DPYD: variants seen among roughly 807,000 people sequenced by gnomAD.
DPYD encodes dihydropyrimidine dehydrogenase.
DPYD carries 109 observed loss-of-function variants against 116.2 expected under a neutral mutation model. The observed-to-expected ratio is 0.94, with a 90% CI of 0.80 to 1.10. The LOEUF (loss-of-function observed/expected upper bound fraction) is 1.10, where lower values mean the gene tolerates loss of function less well. DPYD is among the 50% of genes least tolerant of loss of function. The pLI is 0.00. For missense variants in DPYD, 1,302 were observed against 1,254.5 expected (o/e 1.04, Z -0.57); for synonymous variants, 440 against 432.0 (o/e 1.02, Z -0.23).
rs185140988 is a variant in DPYD at position 97,888,469 on chromosome 1, C to T, written c.40-5095G>A. ...AAGTTACACTGGCTTAAAATTTGCC[C>T]GATTTATTTTTTTTTTAATAAAGTA... On this transcript the variant is annotated intron_variant, in intron 1 of 22. Transcript: ENST00000370192. Among the ~76,000 whole-genome samples the T allele has an allele frequency of 2.2e-4, 33 of 150,754 alleles. No individual in the cohort carries two copies. In the East Asian group the frequency reaches 4.8e-3, roughly 22 times the overall value.
chr1:97,389,763 T>G (rs575726556), intron 14 of DPYD, among the ~76,000 whole-genome samples: 29 of 151,788 alleles, frequency 1.9e-4, no homozygotes, highest in Non-Finnish European at 4.0e-4. Context: ...TTGAAGCATA[T>G]AAAATGCAAA....
chr1:97,776,378 A>C (rs1320408744), intron 3 of DPYD, among the ~76,000 whole-genome samples: 1 of 152,180 alleles, frequency 6.6e-6, no homozygotes, highest in Non-Finnish European at 1.5e-5. Flanking sequence ...AGGTGTGTCC[A>C]TATCTCTGAA....
At chr1:97,487,987 C>T (rs989275485) in intron 13 of DPYD, among the ~76,000 whole-genome samples, 1 of 152,026 alleles carries the variant, frequency 6.6e-6, no homozygotes, top group East Asian at 1.9e-4. Flanking sequence ...TTCATAGCAA[C>T]TTTATTTGTA....
At chr1:97,581,665 G>C (rs577053079) in intron 10 of DPYD, among the ~76,000 whole-genome samples, 1 of 147,784 alleles carries the variant, frequency 6.8e-6, no homozygotes, top group East Asian at 2.0e-4. Flanking sequence ...AGGATCTGTA[G>C]AGCCCAGATG....
chr1:97,667,865 A>G (rs1436423955), intron 8 of DPYD, among the ~76,000 whole-genome samples: 1 of 152,148 alleles, frequency 6.6e-6, no homozygotes, highest in African/African-American at 2.4e-5. Flanking sequence ...TACATAAAAA[A>G]TTATTCAGTC....
chr1:97,880,738 C>A (rs989850312), intron 2 of DPYD, among the ~76,000 whole-genome samples: 5 of 151,610 alleles, frequency 3.3e-5, no homozygotes, highest in African/African-American at 1.2e-4. Flanking sequence ...TTTTTTTGTT[C>A]TTTTGTGCAT....
intron 19 of DPYD, among the ~76,000 whole-genome samples, chr1:97,212,561 T>C (rs201486060): frequency 6.6e-6 from 1 of 152,036 alleles, no homozygotes; most frequent in African/African-American, 2.4e-5. Context: ...TGGATATATA[T>C]ATTTATTTGT....
chr1:97,366,554 C>T (rs1671053059), intron 16 of DPYD, among the ~76,000 whole-genome samples: 1 of 152,156 alleles, frequency 6.6e-6, no homozygotes, highest in Non-Finnish European at 1.5e-5. Flanking sequence ...CTATCCCATA[C>T]TTATCAAGTC....
At chr1:97,805,960 T>C (rs1049997707) in intron 3 of DPYD, among the ~76,000 whole-genome samples, 8 of 151,822 alleles carry the variant, frequency 5.3e-5, no homozygotes, top group African/African-American at 1.7e-4. Flanking sequence ...ATGTAAACTG[T>C]CAGACCTGAA....
At chr1:97,212,054 T>A (rs978948202) in intron 19 of DPYD, among the ~76,000 whole-genome samples, 4 of 152,182 alleles carry the variant, frequency 2.6e-5, no homozygotes, top group African/African-American at 4.8e-5. Context: ...TGTGGGTTTT[T>A]AAAAACATTA....
At chr1:97,438,425 T>C (rs1338333502) in intron 14 of DPYD, among the ~76,000 whole-genome samples, 1 of 152,074 alleles carries the variant, frequency 6.6e-6, no homozygotes, top group Non-Finnish European at 1.5e-5. Flanking sequence ...AGTGTTCTTA[T>C]CTTTCACATC....
chr1:97,551,047 T>A (rs1651283838), intron 11 of DPYD, among the ~76,000 whole-genome samples: 1 of 152,162 alleles, frequency 6.6e-6, no homozygotes, highest in Admixed American at 6.6e-5. Flanking sequence ...CTTGCCTGTG[T>A]TCCACAGAGC....
chr1:97,714,636 G>T (rs957247596), intron 5 of DPYD, among the ~76,000 whole-genome samples: 8 of 96,092 alleles, frequency 8.3e-5, no homozygotes, highest in African/African-American at 3.3e-4. Context: ...CCTGGCTACA[G>T]AAGTTAAAAA....
intron 8 of DPYD, among the ~76,000 whole-genome samples, chr1:97,656,831 T>G (rs914639296): frequency 4.0e-5 from 6 of 151,674 alleles, no homozygotes; most frequent in African/African-American, 2.4e-5. Context: ...TTTTTTTTTT[T>G]CAAAAGACTG....
chr1:97,440,413 T>C (rs1675713079), intron 14 of DPYD, among the ~76,000 whole-genome samples: 1 of 152,214 alleles, frequency 6.6e-6, no homozygotes, highest in Admixed American at 6.5e-5. Context: ...CATCTCTTTT[T>C]TACTCCTCTT....
At chr1:97,739,041 A>T (rs975291321) in intron 4 of DPYD, among the ~76,000 whole-genome samples, 1 of 152,090 alleles carries the variant, frequency 6.6e-6, no homozygotes, top group East Asian at 1.9e-4. Flanking sequence ...CATAATTCTC[A>T]TATTTCCTCA....
At chr1:97,395,669 C>T (rs572471311) in intron 14 of DPYD, among the ~76,000 whole-genome samples, 1 of 152,026 alleles carries the variant, frequency 6.6e-6, no homozygotes, top group South Asian at 2.1e-4. Context: ...GGACTCCCAT[C>T]AAGTGGGGGC....
intron 4 of DPYD, among the ~76,000 whole-genome samples, chr1:97,733,952 T>C (rs994069868): frequency 6.6e-5 from 10 of 152,064 alleles, no homozygotes. Context: ...TCTATAATAG[T>C]AAAATTTTTG....
chr1:97,555,765 A>G (rs1290794117), intron 11 of DPYD, among the ~76,000 whole-genome samples: 1 of 151,990 alleles, frequency 6.6e-6, no homozygotes, highest in East Asian at 1.9e-4. Flanking sequence ...AACTCTCCCT[A>G]CTATCAGAAG....
Sources: gnomAD v4.1 joint callset for allele counts (sites outside exome capture counted in the v4.1 genomes callset) on GRCh38, gnomAD v4.1.1 for gene constraint, MANE v1.5 for transcripts, NCBI Gene and HGNC (gene_info 2026-07-23, HGNC 2026-07-21) for gene names.